SOX6: variants seen among roughly 807,000 people sequenced by gnomAD.
The protein encoded by SOX6 is transcription factor SOX-6.
A neutral mutation model predicts 97.8 loss-of-function variants in SOX6; 11 were observed. That is an observed-to-expected ratio of 0.11 (90% confidence interval 0.07 to 0.19). The LOEUF is 0.19. Ranked by LOEUF, SOX6 falls within the 10% of genes least tolerant of loss-of-function variation. SOX6 has a pLI of 1.00. For synonymous variants in SOX6, 360 were observed against 371.4 expected (o/e 0.97, Z 0.35); for missense variants, 810 against 1,039.5 (o/e 0.78, Z 3.04).
At chr11:16,253,674 GGA>G (rs1179232072) in intron 3 of SOX6, among the ~76,000 whole-genome samples, 3 of 151,350 alleles carry the variant, frequency 2.0e-5, no homozygotes, top group African/African-American at 2.4e-5. Context: ...AATCTCCAAA[GGA>G]AAATAAGACT....
At chr11:16,124,274 A>G (rs1242305288) in intron 6 of SOX6, among the ~76,000 whole-genome samples, 1 of 152,106 alleles carries the variant, frequency 6.6e-6, no homozygotes, top group Non-Finnish European at 1.5e-5. Flanking sequence ...CCCTACCATC[A>G]TTTCTAAGAG....
intron 13 of SOX6, among the ~76,000 whole-genome samples, chr11:16,008,582 A>C (rs1435512317): frequency 6.6e-6 from 1 of 152,042 alleles, no homozygotes; most frequent in Non-Finnish European, 1.5e-5. Context: ...ATGGAGTTAT[A>C]CAAGAATCTT....
intron 3 of SOX6, among the ~76,000 whole-genome samples, chr11:16,302,865 C>T (rs1041363742): frequency 7.9e-5 from 12 of 152,164 alleles, no homozygotes; most frequent in African/African-American, 2.2e-4. Flanking sequence ...CCACCGCACC[C>T]GGCCAGCCAC....
intron 6 of SOX6, among the ~76,000 whole-genome samples, chr11:16,124,970 T>C (rs1181425956): frequency 6.6e-6 from 1 of 152,018 alleles, no homozygotes; most frequent in East Asian, 1.9e-4. Flanking sequence ...ATTTCCATCT[T>C]ATATATCCTC....
chr11:16,114,936 C>G (rs1849311484), intron 6 of SOX6, among the ~76,000 whole-genome samples: 1 of 152,162 alleles, frequency 6.6e-6, no homozygotes, highest in Admixed American at 6.5e-5. Context: ...TTGTAACTTT[C>G]CATCTTCATG....
At chr11:16,294,988 G>T (rs1357570825) in intron 3 of SOX6, among the ~76,000 whole-genome samples, 1 of 151,952 alleles carries the variant, frequency 6.6e-6, no homozygotes, top group Non-Finnish European at 1.5e-5. Flanking sequence ...TAATCTAACT[G>T]TCAGATTTAA....
intron 1 of SOX6, among the ~76,000 whole-genome samples, chr11:16,424,723 G>C (rs554937635): frequency 6.6e-6 from 1 of 152,310 alleles, no homozygotes; most frequent in African/African-American, 2.4e-5. Flanking sequence ...ATTTCAAAGA[G>C]AAATATCTAT....
At chr11:15,990,263 C>T (rs1236864449) in intron 13 of SOX6, among the ~76,000 whole-genome samples, 1 of 151,880 alleles carries the variant, frequency 6.6e-6, no homozygotes, top group African/African-American at 2.4e-5. Context: ...ATAAAATATT[C>T]ATTAAGCAAA....
intron 1 of SOX6, among the ~76,000 whole-genome samples, chr11:16,409,479 T>C (rs1166421676): frequency 6.6e-6 from 1 of 152,172 alleles, no homozygotes; most frequent in East Asian, 1.9e-4. Flanking sequence ...TCTGAATGCA[T>C]TTTATAAGGC....
chr11:16,554,804 C>T (rs569172276), intron 4 of SOX6, among the ~76,000 whole-genome samples: 1 of 151,722 alleles, frequency 6.6e-6, no homozygotes, highest in Non-Finnish European at 1.5e-5. Flanking sequence ...GTGATGAAAA[C>T]AGGAAAGGGG....
At chr11:16,244,139 C>T (rs945701494) in intron 3 of SOX6, among the ~76,000 whole-genome samples, 10 of 151,814 alleles carry the variant, frequency 6.6e-5, no homozygotes, top group African/African-American at 1.9e-4. Flanking sequence ...CTACCAACAA[C>T]GTATGAGTGT....
chr11:16,353,608 T>G (rs1012897675), intron 1 of SOX6, among the ~76,000 whole-genome samples: 19 of 152,026 alleles, frequency 1.2e-4, no homozygotes, highest in African/African-American at 4.6e-4. Flanking sequence ...TTGCTTTAAA[T>G]TTCTCACTTG....
intron 2 of SOX6, among the ~76,000 whole-genome samples, chr11:16,718,382 T>G (rs982569027): frequency 6.6e-6 from 1 of 152,212 alleles, no homozygotes; most frequent in Non-Finnish European, 1.5e-5. Flanking sequence ...TATTTGGTGA[T>G]TTAATGTGCC....
At chr11:16,682,209 C>T (rs1847933709) in intron 3 of SOX6, among the ~76,000 whole-genome samples, 1 of 152,096 alleles carries the variant, frequency 6.6e-6, no homozygotes, top group African/African-American at 2.4e-5. Flanking sequence ...TGTGAAAATC[C>T]TCAATAAAAT....
At chr11:16,048,388 G>C (rs1403979632) in intron 11 of SOX6, among the ~76,000 whole-genome samples, 2 of 152,172 alleles carry the variant, frequency 1.3e-5, no homozygotes, top group Non-Finnish European at 2.9e-5. Flanking sequence ...CATTGAGGAA[G>C]ATTAACATCT....
chr11:16,103,424 T>C (rs1240086740), intron 7 of SOX6, among the ~76,000 whole-genome samples: 1 of 151,796 alleles, frequency 6.6e-6, no homozygotes, highest in Non-Finnish European at 1.5e-5. Context: ...CTGTTGGGAA[T>C]GTAAACTAGT....
At chr11:16,068,037 C>A (rs898843486) in intron 9 of SOX6, among the ~76,000 whole-genome samples, 30 of 152,174 alleles carry the variant, frequency 2.0e-4, no homozygotes, top group Non-Finnish European at 2.8e-4. Context: ...GTAACAGATT[C>A]TCTTCTAGTG....
intron 1 of SOX6, among the ~76,000 whole-genome samples, chr11:16,456,063 T>A (rs1453436118): frequency 6.6e-6 from 1 of 152,114 alleles, no homozygotes; most frequent in Non-Finnish European, 1.5e-5. Flanking sequence ...AAGATGTCGA[T>A]TTATTGTAAC....
chr11:16,286,083 AT>A (rs1282639389), intron 3 of SOX6, among the ~76,000 whole-genome samples: 1 of 152,144 alleles, frequency 6.6e-6, no homozygotes, highest in Non-Finnish European at 1.5e-5. Flanking sequence ...AAATATCATG[AT>A]TTTTAAAGCC....
Sources: allele counts gnomAD v4.1 joint callset (sites outside exome capture counted in the v4.1 genomes callset), GRCh38; gene constraint gnomAD v4.1.1; transcripts MANE v1.5; gene names NCBI Gene and HGNC (gene_info 2026-07-23, HGNC 2026-07-21).